Variants in SUSD3 observed in about 807,000 individuals in gnomAD.
SUSD3 encodes sushi domain-containing protein 3.
SUSD3 carries 18 observed loss-of-function variants against 20.6 expected under a neutral mutation model. That is an observed-to-expected ratio of 0.87 (90% CI 0.60 to 1.30). The LOEUF is 1.30. Ranked by LOEUF, SUSD3 falls within the 50% of genes most tolerant of loss-of-function variation. SUSD3 has a pLI of 0.00. For missense variants in SUSD3, 306 were observed against 346.9 expected, an observed-to-expected ratio of 0.88 and a Z score of 0.94; for synonymous variants, 137 against 141.5, an observed-to-expected ratio of 0.97 and a Z score of 0.23.
chr9:93,072,025 C>G (rs1040166582), intron 1 of SUSD3, among the ~76,000 whole-genome samples: 2 of 152,126 alleles, frequency 1.3e-5, no homozygotes, highest in Non-Finnish European at 2.9e-5. Context: ...TGCTGTGCCT[C>G]AGTTTCCCCA....
intron 1 of SUSD3, among the ~76,000 whole-genome samples, chr9:93,061,084 C>G (rs1825487632): frequency 6.6e-6 from 1 of 152,212 alleles, no homozygotes. Flanking sequence ...TGACTGGCCC[C>G]TGGCCCTGCT....
At chr9:93,079,759 G>A (rs1259073240) in intron 4 of SUSD3, among the ~76,000 whole-genome samples, 157 bp downstream of exon 4, 1 of 152,092 alleles carries the variant, frequency 6.6e-6, no homozygotes, top group East Asian at 1.9e-4. Context: ...CAAGAGGCTG[G>A]TGGTCCTTGT....
chr9:93,080,849 A>T (rs1263652973), intron 4 of SUSD3, among the ~76,000 whole-genome samples: 1 of 152,236 alleles, frequency 6.6e-6, no homozygotes, highest in Non-Finnish European at 1.5e-5. Context: ...ATCAGGGATG[A>T]GGATGAGCTG....
At chr9:93,078,831 A>G (rs6479450) in intron 3 of SUSD3, among the ~76,000 whole-genome samples, 33,682 of 150,748 alleles carry the variant, frequency 0.22, 4,551 homozygotes, top group African/African-American at 0.38. Context: ...ACGGAGTCTC[A>G]CTCTGTCGCC....
intron 1 of SUSD3, 45 bp from the exon 2 acceptor site, chr9:93,075,736 GCCC>G: frequency 1.5e-5 from 4 of 272,212 alleles, no homozygotes; most frequent in South Asian, 8.7e-5. Flanking sequence ...TGCCCTGCGT[GCCC>G]ACCCCCCCCC....
At chr9:93,081,055 C>G (rs997191026) in intron 4 of SUSD3, among the ~76,000 whole-genome samples, 14 of 152,318 alleles carry the variant, frequency 9.2e-5, no homozygotes, top group African/African-American at 2.6e-4. Context: ...CATGCCCCTT[C>G]CCCCACATTA....
intron 1 of SUSD3, among the ~76,000 whole-genome samples, chr9:93,066,021 C>T (rs1240749386): frequency 1.3e-5 from 2 of 152,156 alleles, no homozygotes; most frequent in Admixed American, 6.5e-5. Flanking sequence ...AGCTGTCATC[C>T]GCCCAGCATC....
intron 4 of SUSD3, among the ~76,000 whole-genome samples, chr9:93,082,473 A>G (rs1826457324): frequency 6.6e-6 from 1 of 151,948 alleles, no homozygotes; most frequent in Non-Finnish European, 1.5e-5. Context: ...GTCCGCCACC[A>G]TGCCCAGCTA....
At position 93,077,933 on chromosome 9, in the gene SUSD3, C is replaced by T; in HGVS notation, c.365C>T (p.Ala122Val). The T allele has an allele frequency of 1.2e-6, 2 of 1,614,218 alleles. No individual in the cohort carries two copies. Among genetic ancestry groups the T allele is most frequent in the South Asian group, 1.1e-5 (1 of 91,084 alleles). ...GCCATCATCCTGCTCATGTCCATGG[C>T]CTTCCTCACCTGCTGCCTCCTCAAG... Reference protein sequence around the residue: ...SCAIILLMSMAFLTCCLLKCV... With the variant: ...SCAIILLMSMVFLTCCLLKCV... The change falls in exon 3 of 5, where the codon GCC becomes GTC. Residue 122 changes from alanine (A) to valine (V), a missense_variant. Transcript: ENST00000375472.
chr9:93,077,762 G>A (rs1013990368), intron 2 of SUSD3, 84 bp from the exon 3 acceptor site: 16 of 1,517,956 alleles, frequency 1.1e-5, no homozygotes, highest in African/African-American at 5.5e-5. Context: ...GGCCCTACCC[G>A]TACCACCCCT....
intron 2 of SUSD3, among the ~76,000 whole-genome samples, chr9:93,077,577 T>C (rs1466436168): frequency 6.6e-6 from 1 of 152,148 alleles, no homozygotes; most frequent in Non-Finnish European, 1.5e-5. Context: ...ATAGCCACTC[T>C]GCATACTCCT....
rs754705284 is a variant in SUSD3 at position 93,079,583 on chromosome 9, G to A, written c.538G>A (p.Asp180Asn). The A allele has an allele frequency of 1.4e-5, 22 of 1,613,714 alleles. No individual in the cohort carries two copies. The highest frequency in any genetic ancestry group is 1.3e-4 in the East Asian group (6 of 44,882). ...KPVSGPSQAH[D>N]NHSFTTDHGE... ...CGTGAGCGGGCCCAGCCAGGCGCAC[G>A]ACAACCACAGCTTCACCACGTGAGC... The change falls in exon 4 of 5, where the codon GAC becomes AAC. Residue 180 changes from aspartate (D) to asparagine (N), a missense_variant. Physicochemically the swap from Asp to Asn is conservative, Grantham distance 23. Coordinates refer to ENST00000375472, the MANE Select transcript of SUSD3 (RefSeq NM_145006.4).
chr9:93,075,784 G>A lies in SUSD3; in HGVS notation c.89G>A (p.Gly30Asp). ...GCCTCATACCTGCCTGTCTCCCCAG[G>A]CACGTGCGCTAAGCTGCGGCTACCC... ...VTTPAPGNRT[G>D]TCAKLRLPPQ... Residue 30 changes from glycine to aspartate, a missense_variant and splice_region_variant, in exon 2 of 5, where the codon GGC becomes GAC. Physicochemically the swap from Gly to Asp is moderately conservative, Grantham distance 94. Coordinates refer to ENST00000375472, the MANE Select transcript of SUSD3 (RefSeq NM_145006.4). 1.5e-6 allele frequency: 2 copies of A among 1,352,304 alleles called. No individual in the cohort carries two copies. Among genetic ancestry groups the A allele is most frequent in the Non-Finnish European group, 2.0e-6 (2 of 1,023,346 alleles). 83.8% of individuals were successfully genotyped at this position (1,352,304 alleles called of 1,614,324 possible). A position where few individuals can be genotyped will look rare whatever the true frequency, so the allele number is the denominator to read the frequency against.
intron 1 of SUSD3, among the ~76,000 whole-genome samples, chr9:93,069,378 T>C (rs1825830413): frequency 6.6e-6 from 1 of 152,164 alleles, no homozygotes; most frequent in South Asian, 2.1e-4. Context: ...ACTGAAACCA[T>C]GGAAAGTGAA....
chr9:93,067,979 A>G (rs1825779559), intron 1 of SUSD3, among the ~76,000 whole-genome samples: 1 of 152,158 alleles, frequency 6.6e-6, no homozygotes, highest in East Asian at 1.9e-4. Flanking sequence ...AATTTTGAGA[A>G]TCTTCTTGTG....
In SUSD3 at chr9:93,077,962, G is replaced by T; in HGVS notation, c.394G>T (p.Val132Leu). 1 of 1,614,240 alleles carries T rather than the reference G, an allele frequency of 6.2e-7. No homozygotes were observed. The highest frequency in any genetic ancestry group is 2.2e-5 in the East Asian group (1 of 44,884). Reference sequence around the variant, plus strand: ...CCTCACCTGCTGCCTCCTCAAGTGCGTGAAGAAGAGCAAGCGGCGGCGCTC... The same window carrying T: ...CCTCACCTGCTGCCTCCTCAAGTGCTTGAAGAAGAGCAAGCGGCGGCGCTC... Reference protein sequence around the residue: ...AFLTCCLLKCVKKSKRRRSNR... With the variant: ...AFLTCCLLKCLKKSKRRRSNR... Residue 132 changes from valine to leucine, a missense_variant, in exon 3 of 5, where the codon GTG becomes TTG. Physicochemically the swap from Val to Leu is conservative, Grantham distance 32 (BLOSUM62 1). Transcript: ENST00000375472.
Position 93,078,105 on chromosome 9 carries a change from C to T in SUSD3, c.425+112C>T, listed in dbSNP as rs192334749. 37 of 1,423,476 alleles carry T rather than the reference C, an allele frequency of 2.6e-5. No individual in the cohort carries two copies. In the African/African-American group the frequency reaches 3.4e-4, roughly 13 times the overall value. The allele number at this position is 1,423,476 out of a possible 1,614,324, so 88.2% of individuals were successfully genotyped here. On this transcript the variant is annotated intron_variant, in intron 3 of 4. Coordinates refer to ENST00000375472, the MANE Select transcript of SUSD3 (RefSeq NM_145006.4). The stretch of plus-strand genomic sequence containing the variant: ...ACCCCGGCACTGCCCTCAGGGCACC[C>T]GTTCCTACCACTGCTGCTCTGGGCC...
intron 1 of SUSD3, among the ~76,000 whole-genome samples, chr9:93,073,674 C>G (rs1826003178): frequency 1.3e-5 from 2 of 152,198 alleles, no homozygotes; most frequent in South Asian, 4.1e-4. Context: ...TGGGGATGTC[C>G]TTAGCAGTTT....
Position 93,085,041 on chromosome 9 carries a change from A to T in SUSD3, c.*294A>T. 1 of 323,178 alleles carries T rather than the reference A, an allele frequency of 3.1e-6. No individual in the cohort carries two copies. Among genetic ancestry groups the T allele is most frequent in the Non-Finnish European group, 5.6e-6 (1 of 177,750 alleles). The allele number at this position is 323,178 out of a possible 1,614,324, so 20.0% of individuals were successfully genotyped here. On this transcript the variant is annotated 3_prime_UTR_variant, in exon 5 of 5. Coordinates refer to ENST00000375472, the MANE Select transcript of SUSD3 (RefSeq NM_145006.4). This position sits in a 1 kb window ranked among gnomAD's most constrained non-coding sequence, Gnocchi z 4.3. ...TAGCTGTGGCCTCCCACTAACTAGC[A>T]TTCCTTTAAAGAGACTGGGAAATGT... is the stretch of plus-strand genomic sequence containing the variant.
Sources: allele counts gnomAD v4.1 joint callset (sites outside exome capture counted in the v4.1 genomes callset), GRCh38; gene constraint gnomAD v4.1.1; non-coding constraint Gnocchi (gnomAD v3.1); transcripts MANE v1.5; gene names NCBI Gene and HGNC (gene_info 2026-07-23, HGNC 2026-07-21).